The following SRRM4 variants were observed in gnomAD, a reference collection of about 807,000 sequenced individuals.
The protein encoded by SRRM4 is serine/arginine repetitive matrix protein 4.
SRRM4 carries 33 observed loss-of-function variants against 68.9 expected under a neutral mutation model. The observed-to-expected ratio is 0.48, with a 90% CI of 0.36 to 0.64. SRRM4 has a LOEUF of 0.64. SRRM4 is among the 30% of genes least tolerant of loss of function. SRRM4 has a pLI of 0.00. For synonymous variants in SRRM4, 318 were observed against 318.8 expected (o/e 1.00, Z 0.03); for missense variants, 817 against 827.1 (o/e 0.99, Z 0.15).
At chr12:119,123,302 G>A (rs1292392123) in intron 6 of SRRM4, among the ~76,000 whole-genome samples, 1 of 152,216 alleles carries the variant, frequency 6.6e-6, no homozygotes, top group African/African-American at 2.4e-5. Context: ...TGAGTTAGCT[G>A]AGGGAAGAAC....
chr12:119,030,256 G>T (rs922007402), intron 1 of SRRM4, among the ~76,000 whole-genome samples: 1 of 152,198 alleles, frequency 6.6e-6, no homozygotes, highest in African/African-American at 2.4e-5. Flanking sequence ...TATGACACAG[G>T]ATGGGAAGAA....
chr12:119,107,966 C>A (rs2136044714), intron 2 of SRRM4, among the ~76,000 whole-genome samples: 1 of 152,280 alleles, frequency 6.6e-6, no homozygotes, highest in African/African-American at 2.4e-5. Context: ...CTATAAATTT[C>A]CCTCTACACA....
At chr12:119,095,152 C>T (rs541186256) in intron 1 of SRRM4, among the ~76,000 whole-genome samples, 272 of 152,240 alleles carry the variant, frequency 1.8e-3, no homozygotes, top group Middle Eastern at 3.4e-3. Flanking sequence ...ACCTTGAAAA[C>T]GAGTCGGAAT....
At chr12:119,060,362 C>T (rs980713996) in intron 1 of SRRM4, among the ~76,000 whole-genome samples, 76 of 149,912 alleles carry the variant, frequency 5.1e-4, no homozygotes, top group African/African-American at 1.8e-3. Flanking sequence ...CACTCCTATC[C>T]CACACTGTTG....
chr12:119,082,705 G>T (rs905789366), intron 1 of SRRM4, among the ~76,000 whole-genome samples: 2 of 152,196 alleles, frequency 1.3e-5, no homozygotes, highest in African/African-American at 4.8e-5. Context: ...TCCAGCCAGG[G>T]GAAGCAGTTC....
intron 1 of SRRM4, among the ~76,000 whole-genome samples, chr12:119,067,292 G>A (rs183328662): frequency 4.5e-4 from 69 of 152,238 alleles, no homozygotes; most frequent in African/African-American, 1.6e-3. Context: ...TGCTCAATAA[G>A]CATTTCTGCA....
rs1251916465 is a variant in SRRM4, at chr12:119,154,605, G to A, written c.1532+222G>A. On this transcript the variant is annotated intron_variant, in intron 12 of 12. Coordinates refer to ENST00000267260, the MANE Select transcript of SRRM4 (RefSeq NM_194286.4). This position sits in a 1 kb window ranked among gnomAD's most constrained non-coding sequence, Gnocchi z 4.7. The stretch of plus-strand genomic sequence containing the variant: ...CAGCAGGGCCTGCAAGAAGGGGGCG[G>A]GGCCAGCCTGAAGAATCGGGTGTGG... Among the ~76,000 whole-genome samples the A allele has an allele frequency of 6.6e-6, 1 of 152,212 alleles. No individual in the cohort carries two copies. The highest frequency in any genetic ancestry group is 1.5e-5 in the Non-Finnish European group (1 of 68,044).
At chr12:119,129,915 G>GGATGGTTA (rs1565915351) in intron 7 of SRRM4, among the ~76,000 whole-genome samples, 2 of 150,168 alleles carry the variant, frequency 1.3e-5, no homozygotes, top group South Asian at 2.1e-4. Context: ...ATGGATGGAT[G>GGATGGTTA]GATGGTTAGA....
At chr12:118,983,995 C>A (rs1953266122) in intron 1 of SRRM4, among the ~76,000 whole-genome samples, 1 of 152,182 alleles carries the variant, frequency 6.6e-6, no homozygotes, top group Non-Finnish European at 1.5e-5. Flanking sequence ...AAAGCCTGAA[C>A]CATAAGCCCT....
intron 1 of SRRM4, among the ~76,000 whole-genome samples, chr12:119,011,591 C>G (rs144757599): frequency 1.3e-5 from 2 of 152,188 alleles, no homozygotes; most frequent in East Asian, 3.9e-4. Context: ...ATTAAGACAA[C>G]GTTTGCAAAT....
At chr12:119,122,284 C>CAGGAAGGCAGGAAGGCAGGAAGGA (rs1954225329) in intron 6 of SRRM4, among the ~76,000 whole-genome samples, 164 bp downstream of exon 6, 2 of 97,740 alleles carry the variant, frequency 2.0e-5, no homozygotes, top group African/African-American at 8.5e-5. Flanking sequence ...GGCAGGAAGG[C>CAGGAAGGCAGGAAGGCAGGAAGGA]AGGAAGGCAG....
At chr12:119,021,206 T>C (rs972990798) in intron 1 of SRRM4, among the ~76,000 whole-genome samples, 6 of 152,214 alleles carry the variant, frequency 3.9e-5, no homozygotes, top group Non-Finnish European at 8.8e-5. Flanking sequence ...GATGCAGTTC[T>C]ACCTTGATCA....
intron 1 of SRRM4, among the ~76,000 whole-genome samples, chr12:119,054,826 G>A (rs969613559): frequency 5.3e-4 from 80 of 152,230 alleles, no homozygotes; most frequent in African/African-American, 1.8e-3. Flanking sequence ...CCAGAGGGCC[G>A]CACTTTTATC....
intron 1 of SRRM4, among the ~76,000 whole-genome samples, chr12:119,075,814 AACGGTGATG>A (rs1953908753): frequency 1.3e-5 from 1 of 79,052 alleles, no homozygotes. Context: ...TGGTGATGAT[AACGGTGATG>A]ATGGTGATGG....
chr12:119,146,442 C>T (rs559930093), intron 9 of SRRM4, among the ~76,000 whole-genome samples: 12 of 151,736 alleles, frequency 7.9e-5, no homozygotes, highest in South Asian at 4.2e-4. Flanking sequence ...CAAAATTAGC[C>T]GGGTGTGGTG....
intron 8 of SRRM4, 21 bp from the exon 9 acceptor site, chr12:119,145,360 A>G: frequency 6.3e-7 from 1 of 1,591,182 alleles, no homozygotes. Context: ...AGCAGTGTCC[A>G]ACGGGTCTTT....
intron 2 of SRRM4, among the ~76,000 whole-genome samples, chr12:119,103,082 G>GA (rs1405932419): frequency 1.1e-4 from 17 of 150,620 alleles, no homozygotes; most frequent in African/African-American, 3.9e-4. Context: ...GGATGCTACT[G>GA]AAAAACAAAA....
chr12:119,016,517 C>T (rs560167371), intron 1 of SRRM4, among the ~76,000 whole-genome samples: 4 of 151,804 alleles, frequency 2.6e-5, no homozygotes, highest in African/African-American at 9.7e-5. Context: ...AGCCCAATTT[C>T]TAATCAAGAA....
chr12:119,052,656 G>A (rs976468498), intron 1 of SRRM4, among the ~76,000 whole-genome samples: 15 of 152,128 alleles, frequency 9.9e-5, no homozygotes, highest in Admixed American at 6.5e-5. Context: ...AGCCTCCCGA[G>A]TAGCTGGGAC....
Sources: gnomAD v4.1 joint callset for allele counts (sites outside exome capture counted in the v4.1 genomes callset) on GRCh38, gnomAD v4.1.1 for gene constraint, Gnocchi (gnomAD v3.1) non-coding constraint, MANE v1.5 for transcripts, NCBI Gene and HGNC (gene_info 2026-07-23, HGNC 2026-07-21) for gene names.